The following DENND1B variants were observed in gnomAD, a reference collection of about 807,000 sequenced individuals.
DENND1B encodes the protein DENN domain-containing protein 1B.
In DENND1B, 59 loss-of-function variants were observed where a neutral mutation model predicts 90.1. The observed-to-expected ratio is 0.65, with a 90% CI of 0.53 to 0.81. DENND1B has a LOEUF of 0.81. Among genes scored for constraint, DENND1B ranks in the 40% least tolerant of loss-of-function variants. The pLI is 0.00. For synonymous variants in DENND1B, 337 were observed against 324.6 expected, an observed-to-expected ratio of 1.04 and a Z score of -0.41; for missense variants, 862 against 912.6, an observed-to-expected ratio of 0.94 and a Z score of 0.71.
intron 20 of DENND1B, among the ~76,000 whole-genome samples, chr1:197,523,297 C>A (rs899413808): frequency 2.0e-4 from 30 of 152,182 alleles, no homozygotes; most frequent in African/African-American, 6.7e-4. Flanking sequence ...AGAACAGAAT[C>A]CTATATTGAT....
In DENND1B at chr1:197,511,612, C is replaced by A. The variant is rs115801667; in HGVS notation, c.1815+116G>T. 1,161 of 614,206 alleles carry A rather than the reference C, an allele frequency of 1.9e-3. 6 individuals carry two copies. The African/African-American group carries it at 0.02, about 11-fold the overall frequency. 38.0% of individuals were successfully genotyped at this position (614,206 alleles called of 1,614,324 possible). A position where few individuals can be genotyped will look rare whatever the true frequency, so the allele number is the denominator to read the frequency against. ...TTTTATCATATTTTTGAAGTTTTGA[C>A]CCTTACCTACTTAGAGGTTAAATGC... is the stretch of plus-strand genomic sequence containing the variant. On this transcript the variant is annotated intron_variant, in intron 22 of 22. Coordinates refer to ENST00000620048, the MANE Select transcript of DENND1B (RefSeq NM_001195215.2).
chr1:197,726,305 C>A (rs1265108262), intron 2 of DENND1B, among the ~76,000 whole-genome samples: 1 of 152,170 alleles, frequency 6.6e-6, no homozygotes, highest in African/African-American at 2.4e-5. Context: ...AGTTCTAGAT[C>A]TGCAGAACTT....
rs569448739 is a variant in DENND1B at position 197,705,112 on chromosome 1, C to T, written c.126+9919G>A. ...TTAAGATTATAATTACTGAGGTAGC[C>T]GCACATCCAGAGAAAAGGCTAGTTA... is the stretch of plus-strand genomic sequence containing the variant. On this transcript the variant is annotated intron_variant, in intron 3 of 22. Coordinates refer to ENST00000620048, the MANE Select transcript of DENND1B (RefSeq NM_001195215.2). Among the ~76,000 whole-genome samples, 4 of 152,164 alleles carry T rather than the reference C, an allele frequency of 2.6e-5. 1 individual carries two copies. Among genetic ancestry groups the T allele is most frequent in the Non-Finnish European group, 2.9e-5 (2 of 68,006 alleles).
In DENND1B at chr1:197,769,548, G is replaced by C. The variant is rs748217848; in HGVS notation, c.82+3320C>G. Among the ~76,000 whole-genome samples the C allele has an allele frequency of 3.3e-5, 5 of 152,172 alleles. No homozygotes were observed. The South Asian group carries it at 1.0e-3, about 32-fold the overall frequency. On this transcript the variant is annotated intron_variant, in intron 2 of 22. Coordinates refer to ENST00000620048, the MANE Select transcript of DENND1B (RefSeq NM_001195215.2). ...CCATTACTGTGAGTGGCAGAAATGA[G>C]AAGCAGAAAGCACCTGGATGTTTGA...
chr1:197,609,524 T>C (rs1354092712), intron 12 of DENND1B, among the ~76,000 whole-genome samples: 1 of 150,642 alleles, frequency 6.6e-6, no homozygotes, highest in Non-Finnish European at 1.5e-5. Context: ...AAAATGTCTT[T>C]AGCCTTTATT....
At chr1:197,628,712 A>G (rs1243588920) in intron 10 of DENND1B, among the ~76,000 whole-genome samples, 1 of 152,162 alleles carries the variant, frequency 6.6e-6, no homozygotes, top group African/African-American at 2.4e-5. Context: ...TGCACAGCAA[A>G]AAAAACTACC....
chr1:197,632,419 T>C (rs1281831898), intron 10 of DENND1B, among the ~76,000 whole-genome samples: 3 of 152,132 alleles, frequency 2.0e-5, no homozygotes, highest in African/African-American at 7.2e-5. Flanking sequence ...CTAGACATGA[T>C]ACAAATTCCT....
At chr1:197,776,496 G>A (rs1446671162), upstream of DENND1B, among the ~76,000 whole-genome samples, 1 of 152,170 alleles carries the variant, frequency 6.6e-6, no homozygotes, top group Non-Finnish European at 1.5e-5. Context: ...CCTTCTCCCA[G>A]CTAACACTGC....
chr1:197,563,019 G>A (rs1672308130), intron 15 of DENND1B, among the ~76,000 whole-genome samples: 1 of 151,970 alleles, frequency 6.6e-6, no homozygotes, highest in South Asian at 2.1e-4. Flanking sequence ...GGTGAGACAT[G>A]TGAGAAAGCT....
At chr1:197,535,100 A>G (rs1419697597) in intron 20 of DENND1B, among the ~76,000 whole-genome samples, 1 of 152,362 alleles carries the variant, frequency 6.6e-6, no homozygotes. Flanking sequence ...GTGCAAATAT[A>G]GTACCCTAAA....
intron 10 of DENND1B, among the ~76,000 whole-genome samples, chr1:197,640,165 T>G (rs1255127050): frequency 4.6e-5 from 7 of 152,090 alleles, no homozygotes; most frequent in African/African-American, 1.7e-4. Flanking sequence ...ACTGCAGATG[T>G]AGACTATTAT....
intron 3 of DENND1B, among the ~76,000 whole-genome samples, chr1:197,699,028 T>G (rs1393903138): frequency 6.6e-6 from 1 of 151,864 alleles, no homozygotes; most frequent in Non-Finnish European, 1.5e-5. Flanking sequence ...TTCAAATAAC[T>G]GAAAAGGAGG....
At chr1:197,649,190 AGAG>A (rs1652830137) in intron 7 of DENND1B, among the ~76,000 whole-genome samples, 1 of 152,208 alleles carries the variant, frequency 6.6e-6, no homozygotes, top group Non-Finnish European at 1.5e-5. Flanking sequence ...TGACCAGAAT[AGAG>A]GAGGAAAATT....
chr1:197,729,588 C>T (rs376059747), intron 2 of DENND1B, among the ~76,000 whole-genome samples: 1 of 151,918 alleles, frequency 6.6e-6, no homozygotes, highest in African/African-American at 2.4e-5. Flanking sequence ...TTAAGAAAGC[C>T]CCATACTTCA....
chr1:197,727,330 T>C (rs1268948733), intron 2 of DENND1B, among the ~76,000 whole-genome samples: 1 of 151,996 alleles, frequency 6.6e-6, no homozygotes, highest in Non-Finnish European at 1.5e-5. Flanking sequence ...GGTCAGGAGA[T>C]TGAGACCATC....
intron 2 of DENND1B, among the ~76,000 whole-genome samples, chr1:197,752,561 C>T (rs1254583139): frequency 6.6e-6 from 1 of 151,918 alleles, no homozygotes; most frequent in East Asian, 1.9e-4. Context: ...ATATTGAAAA[C>T]ACTAACTTCT....
intron 15 of DENND1B, among the ~76,000 whole-genome samples, chr1:197,581,128 T>C (rs1468693802): frequency 6.6e-6 from 1 of 152,212 alleles, no homozygotes; most frequent in Non-Finnish European, 1.5e-5. Flanking sequence ...TATTTTTATA[T>C]TTTTTCAGCC....
chr1:197,738,773 A>T (rs1210945986), intron 2 of DENND1B, among the ~76,000 whole-genome samples: 1 of 152,240 alleles, frequency 6.6e-6, no homozygotes, highest in Non-Finnish European at 1.5e-5. Flanking sequence ...AATCTAAAAA[A>T]ATACATTAAA....
chr1:197,667,346 A>ATCAGCAATAT (rs1209718755), intron 5 of DENND1B, among the ~76,000 whole-genome samples: 1 of 152,120 alleles, frequency 6.6e-6, no homozygotes, highest in Non-Finnish European at 1.5e-5. Flanking sequence ...AAGCCACCCC[A>ATCAGCAATAT]TCAGCAATAT....
Sources: gnomAD v4.1 joint callset for allele counts (sites outside exome capture counted in the v4.1 genomes callset) on GRCh38, gnomAD v4.1.1 for gene constraint, MANE v1.5 for transcripts, NCBI Gene and HGNC (gene_info 2026-07-23, HGNC 2026-07-21) for gene names.